The following RGS6 variants were observed in gnomAD, a reference collection of about 807,000 sequenced individuals.
The protein encoded by RGS6 is regulator of G protein signaling 6, also known as regulator of G-protein signaling 6.
A neutral mutation model predicts 78.5 loss-of-function variants in RGS6; 30 were observed. That is an observed-to-expected ratio of 0.38 (90% confidence interval 0.29 to 0.52). The LOEUF is 0.52. Among genes scored for constraint, RGS6 ranks in the 20% least tolerant of loss-of-function variants. RGS6 has a pLI of 0.85. For missense variants in RGS6, 495 were observed against 609.7 expected (o/e 0.81, Z 1.98); for synonymous variants, 206 against 206.0 (o/e 1.00, Z 0.00).
intron 2 of RGS6, among the ~76,000 whole-genome samples, chr14:72,304,172 A>G (rs1301784816): frequency 2.0e-5 from 3 of 152,172 alleles, no homozygotes; most frequent in Admixed American, 6.5e-5. Context: ...TAGCCCCTGT[A>G]TGGTGAACAG....
chr14:71,991,527 T>C (rs1245989349), intron 2 of RGS6, among the ~76,000 whole-genome samples: 1 of 152,030 alleles, frequency 6.6e-6, no homozygotes, highest in Non-Finnish European at 1.5e-5. Flanking sequence ...TCTTTTATAT[T>C]TTTTTTCTTG....
At chr14:71,989,489 G>T (rs929465963) in intron 2 of RGS6, among the ~76,000 whole-genome samples, 3 of 152,238 alleles carry the variant, frequency 2.0e-5, no homozygotes, top group Non-Finnish European at 4.4e-5. Flanking sequence ...TCTGCATCCT[G>T]CATGTTATAT....
intron 2 of RGS6, among the ~76,000 whole-genome samples, chr14:72,320,367 G>A (rs1164529228): frequency 6.6e-6 from 1 of 151,790 alleles, no homozygotes; most frequent in Non-Finnish European, 1.5e-5. Flanking sequence ...TCACGAGGTC[G>A]GGAGATCGAG....
At chr14:71,912,338 G>A in the RGS6 span, among the ~76,000 whole-genome samples, 24 of 152,190 alleles carry the variant, frequency 1.6e-4, no homozygotes, top group Admixed American at 1.5e-3. Flanking sequence ...GACCAAGAGG[G>A]GGCCTGTTCA....
At chr14:71,913,107 G>A in the RGS6 span, among the ~76,000 whole-genome samples, 2 of 152,096 alleles carry the variant, frequency 1.3e-5, no homozygotes, top group Non-Finnish European at 2.9e-5. Context: ...GATTACAGGC[G>A]TGAGCCACCG....
chr14:72,410,012 C>T (rs978345150), intron 3 of RGS6, among the ~76,000 whole-genome samples: 75 of 152,196 alleles, frequency 4.9e-4, no homozygotes, highest in African/African-American at 1.5e-3. Flanking sequence ...TGAATAGTGC[C>T]GCAATAAACA....
At chr14:72,466,524 C>T (rs921348943) in intron 7 of RGS6, among the ~76,000 whole-genome samples, 13 of 152,236 alleles carry the variant, frequency 8.5e-5, no homozygotes, top group African/African-American at 2.2e-4. Context: ...AACTGTGGTA[C>T]ATCCATACAA....
chr14:72,277,912 C>T (rs1285844481), intron 2 of RGS6, among the ~76,000 whole-genome samples: 1 of 152,102 alleles, frequency 6.6e-6, no homozygotes, highest in Non-Finnish European at 1.5e-5. Context: ...TGGACGACAA[C>T]GAGACTATGT....
chr14:72,230,345 T>G (rs2049233612), intron 2 of RGS6, among the ~76,000 whole-genome samples: 1 of 152,100 alleles, frequency 6.6e-6, no homozygotes, highest in South Asian at 2.1e-4. Flanking sequence ...AATTTAGAGG[T>G]GTTCAGAACT....
At chr14:72,497,419 C>A (rs1020661075) in intron 13 of RGS6, among the ~76,000 whole-genome samples, 8 of 152,124 alleles carry the variant, frequency 5.3e-5, no homozygotes, top group Non-Finnish European at 1.0e-4. Flanking sequence ...TTACTTGAAT[C>A]ATATATTTTA....
intron 3 of RGS6, among the ~76,000 whole-genome samples, chr14:72,384,529 TCA>T: frequency 6.6e-6 from 1 of 152,350 alleles, no homozygotes; most frequent in East Asian, 1.9e-4. Flanking sequence ...TGCATACGTT[TCA>T]GTTTTATTAA....
At chr14:72,356,996 C>T (rs146516165) in intron 3 of RGS6, among the ~76,000 whole-genome samples, 1,576 of 152,244 alleles carry the variant, frequency 0.01, 10 homozygotes, top group Middle Eastern at 0.031. Context: ...AGCAGCCAGG[C>T]GCGGTGGCTC....
intron 2 of RGS6, among the ~76,000 whole-genome samples, chr14:72,081,279 C>T (rs745507611): frequency 7.2e-5 from 11 of 151,812 alleles, no homozygotes; most frequent in African/African-American, 2.7e-4. Flanking sequence ...TTTGCTATTG[C>T]GAATGGGATT....
At chr14:72,604,735 G>T in the RGS6 span, among the ~76,000 whole-genome samples, 1 of 152,158 alleles carries the variant, frequency 6.6e-6, no homozygotes, top group African/African-American at 2.4e-5. Flanking sequence ...CCCCCAGGGA[G>T]GCTCTCTGGA....
At chr14:72,464,416 C>G (rs553358518) in intron 6 of RGS6, among the ~76,000 whole-genome samples, 1 of 152,142 alleles carries the variant, frequency 6.6e-6, no homozygotes, top group South Asian at 2.1e-4. Context: ...CACAATTCGC[C>G]GGGTGGAAGC....
rs190733381 is a variant in RGS6 at position 72,048,636 on chromosome 14, G to A, written c.84+83761G>A. On this transcript the variant is annotated intron_variant, in intron 2 of 17. Coordinates refer to ENST00000553525, the MANE Select transcript of RGS6 (RefSeq NM_001204424.2). Reference sequence around the variant, plus strand: ...AAAGGCTTTGGGAGATACTAGGTTAGCTTTCTTACAATATAGGCTGCCCTT... The same window carrying A: ...AAAGGCTTTGGGAGATACTAGGTTAACTTTCTTACAATATAGGCTGCCCTT... Among the ~76,000 whole-genome samples, 22 of 152,128 alleles carry A rather than the reference G, an allele frequency of 1.4e-4. 1 individual carries two copies. Among genetic ancestry groups the A allele is most frequent in the African/African-American group, 5.1e-4 (21 of 41,490 alleles).
At chr14:71,944,090 A>G (rs2091086185) in intron 1 of RGS6, among the ~76,000 whole-genome samples, 1 of 151,996 alleles carries the variant, frequency 6.6e-6, no homozygotes, top group Non-Finnish European at 1.5e-5. Flanking sequence ...TTTGTTTTAT[A>G]ATTTATGTTT....
intron 3 of RGS6, 38 bp from the exon 4 acceptor site, chr14:72,454,490 C>T: frequency 6.2e-7 from 1 of 1,600,894 alleles, no homozygotes; most frequent in Non-Finnish European, 8.6e-7. Flanking sequence ...TGTTAAACAC[C>T]CAGGAGGTCT....
the RGS6 span, among the ~76,000 whole-genome samples, chr14:71,869,374 C>T: frequency 2.0e-4 from 30 of 152,330 alleles, no homozygotes; most frequent in African/African-American, 7.0e-4. Context: ...CAGCCCCCAG[C>T]TCCAATGTGA....
Sources: gnomAD v4.1 joint callset for allele counts (sites outside exome capture counted in the v4.1 genomes callset) on GRCh38, gnomAD v4.1.1 for gene constraint, MANE v1.5 for transcripts, NCBI Gene and HGNC (gene_info 2026-07-23, HGNC 2026-07-21) for gene names.